UBE2H: variants seen among roughly 807,000 people sequenced by gnomAD.
The protein encoded by UBE2H is ubiquitin-conjugating enzyme E2 H.
In UBE2H, 3 loss-of-function variants were observed where a neutral mutation model predicts 29.0. The observed-to-expected ratio is 0.10, with a 90% CI of 0.05 to 0.27. The LOEUF (loss-of-function observed/expected upper bound fraction) is 0.27, where lower values mean the gene tolerates loss of function less well. Ranked by LOEUF, UBE2H falls within the 10% of genes least tolerant of loss-of-function variation. The probability of loss-of-function intolerance (pLI) is 1.00; values close to 1 mark genes in which losing one functional copy is unlikely to be tolerated. For synonymous variants in UBE2H, 69 were observed against 82.9 expected (o/e 0.83, Z 0.91); for missense variants, 68 against 228.2 (o/e 0.30, Z 4.52).
chr7:129,854,961 G>A (rs1179393816), intron 5 of UBE2H, among the ~76,000 whole-genome samples: 1 of 151,822 alleles, frequency 6.6e-6, no homozygotes, highest in Non-Finnish European at 1.5e-5. Context: ...ATATAATTAC[G>A]TTTCTAAGAA....
chr7:129,949,747 TC>T (rs751072061), intron 1 of UBE2H, among the ~76,000 whole-genome samples: 1 of 152,100 alleles, frequency 6.6e-6, no homozygotes, highest in Non-Finnish European at 1.5e-5. Context: ...TCCTCTTCTC[TC>T]CCTACCCCCA....
chr7:129,905,207 A>T (rs1049507178), intron 1 of UBE2H, among the ~76,000 whole-genome samples: 2 of 151,748 alleles, frequency 1.3e-5, no homozygotes, highest in African/African-American at 2.4e-5. Context: ...AATGAAAAAG[A>T]AAGACTGGCA....
At chr7:129,868,860 G>C (rs1805969397) in intron 3 of UBE2H, among the ~76,000 whole-genome samples, 1 of 151,302 alleles carries the variant, frequency 6.6e-6, no homozygotes, top group Non-Finnish European at 1.5e-5. Flanking sequence ...CCCCCAAGTT[G>C]CTCTCTGCCC....
chr7:129,890,334 T>C (rs1004723833), intron 1 of UBE2H, among the ~76,000 whole-genome samples: 1 of 151,760 alleles, frequency 6.6e-6, no homozygotes. Context: ...TATATACGTG[T>C]GTATATATAT....
chr7:129,918,362 CT>C (rs777719323), intron 1 of UBE2H, among the ~76,000 whole-genome samples: 7,583 of 139,536 alleles, frequency 0.054, 157 homozygotes, highest in South Asian at 0.13. Context: ...AATCCAAATT[CT>C]TTTTTTTTTT....
intron 1 of UBE2H, among the ~76,000 whole-genome samples, chr7:129,940,037 C>T (rs1186225496): frequency 6.6e-6 from 1 of 151,878 alleles, no homozygotes; most frequent in East Asian, 1.9e-4. Flanking sequence ...TTGGACAAAA[C>T]AACTAAATTT....
chr7:129,848,025 A>T (rs993739879), intron 5 of UBE2H, among the ~76,000 whole-genome samples: 5 of 152,160 alleles, frequency 3.3e-5, no homozygotes, highest in Non-Finnish European at 7.4e-5. Context: ...TAAAGGCTCT[A>T]TACTCTCGCC....
At chr7:129,920,352 CAA>C (rs2116468356) in intron 1 of UBE2H, among the ~76,000 whole-genome samples, 1 of 151,996 alleles carries the variant, frequency 6.6e-6, no homozygotes, top group South Asian at 2.1e-4. Flanking sequence ...CATATGTGCT[CAA>C]AAAGACACTC....
chr7:129,883,343 A>G (rs887689191), intron 1 of UBE2H, among the ~76,000 whole-genome samples: 3 of 152,234 alleles, frequency 2.0e-5, no homozygotes, highest in Non-Finnish European at 4.4e-5. Flanking sequence ...CTAAACCTGC[A>G]CATATGCATA....
chr7:129,913,501 C>G (rs1347147260), intron 1 of UBE2H, among the ~76,000 whole-genome samples: 1 of 152,126 alleles, frequency 6.6e-6, no homozygotes, highest in Admixed American at 6.5e-5. Context: ...CTATCTCCAC[C>G]ACCACTGCCA....
At chr7:129,882,119 C>T (rs1333682349) in intron 1 of UBE2H, among the ~76,000 whole-genome samples, 1 of 152,178 alleles carries the variant, frequency 6.6e-6, no homozygotes, top group Non-Finnish European at 1.5e-5. Flanking sequence ...CCCTGAGATT[C>T]TTGCCCCTTT....
rs571606820 is a variant in UBE2H at position 129,925,859 on chromosome 7, CCT to C, written c.53+26642_53+26643del. On this transcript the variant is annotated intron_variant, in intron 1 of 6. Transcript: ENST00000355621. ...ATACACACTGCGGCAATCTGGATTC[CCT>C]GATGACATGAAGCCCGCCCTTATCT... Among the ~76,000 whole-genome samples the C allele has an allele frequency of 4.3e-4, 66 of 152,264 alleles. 1 individual carries two copies. The Middle Eastern group carries it at 0.014, about 31-fold the overall frequency.
At chr7:129,866,697 T>C (rs1034848665) in intron 3 of UBE2H, among the ~76,000 whole-genome samples, 1 of 152,174 alleles carries the variant, frequency 6.6e-6, no homozygotes, top group Non-Finnish European at 1.5e-5. Context: ...TGTACCAAAA[T>C]AGCACATGTA....
rs186624988 is a variant in UBE2H at position 129,839,259 on chromosome 7, G to A, written c.375C>T (p.Asp125=). ...GTCGGTGGAGGTACATGGCTGCAGC[G>A]TCACCATTGAGAGGATCTATGGGGT... ...YPNPIDPLNG[D]AAAMYLHRPE... is the part of the protein sequence containing the mutation. The change falls in exon 6 of 7, where the codon GAC becomes GAT. Residue 125 remains aspartate, a synonymous_variant. Transcript: ENST00000355621. 2.9e-5 allele frequency: 46 copies of A among 1,613,924 alleles called. No individual in the cohort carries two copies. The highest frequency in any genetic ancestry group is 1.3e-4 in the Admixed American group (8 of 59,994).
intron 1 of UBE2H, 55 bp from the exon 2 acceptor site, chr7:129,881,026 C>G (rs1806242493): frequency 6.7e-7 from 1 of 1,502,352 alleles, no homozygotes; most frequent in African/African-American, 1.4e-5. Flanking sequence ...GGCAGAATTA[C>G]CAATAACACC....
intron 1 of UBE2H, among the ~76,000 whole-genome samples, chr7:129,919,288 G>A (rs758769540): frequency 7.2e-5 from 11 of 152,056 alleles, no homozygotes; most frequent in Non-Finnish European, 1.2e-4. Flanking sequence ...CTGAAATTAA[G>A]ACAAAAACTT....
At chr7:129,944,806 G>GA (rs1433352221) in intron 1 of UBE2H, among the ~76,000 whole-genome samples, 5 of 150,728 alleles carry the variant, frequency 3.3e-5, no homozygotes, top group Admixed American at 2.0e-4. Context: ...TTAGCCAAGA[G>GA]AAAAAAAAGC....
At chr7:129,936,547 T>C (rs564406017) in intron 1 of UBE2H, among the ~76,000 whole-genome samples, 48 of 149,296 alleles carry the variant, frequency 3.2e-4, no homozygotes, top group African/African-American at 1.2e-3. Flanking sequence ...TGAGCTGAGA[T>C]TGCGCCACTG....
intron 1 of UBE2H, among the ~76,000 whole-genome samples, chr7:129,896,959 G>A (rs1167014583): frequency 6.6e-6 from 1 of 152,132 alleles, no homozygotes; most frequent in East Asian, 1.9e-4. Flanking sequence ...ATACCAAGCT[G>A]CGGTACCCAT....
Sources: allele counts gnomAD v4.1 joint callset (sites outside exome capture counted in the v4.1 genomes callset), GRCh38; gene constraint gnomAD v4.1.1; transcripts MANE v1.5; gene names NCBI Gene and HGNC (gene_info 2026-07-23, HGNC 2026-07-21).